Variants in FOXN2 observed in about 807,000 individuals in gnomAD.
The protein encoded by FOXN2 is forkhead box protein N2.
Under a neutral mutation model 41.2 loss-of-function variants are expected in FOXN2, and 19 were observed. That is an observed-to-expected ratio of 0.46 (90% CI 0.32 to 0.68). FOXN2 has a LOEUF of 0.68. Ranked by LOEUF, FOXN2 falls within the 30% of genes least tolerant of loss-of-function variation. The pLI is 0.03. For missense variants in FOXN2, 587 were observed against 509.4 expected (o/e 1.15, Z -1.47); for synonymous variants, 195 against 176.8 (o/e 1.10, Z -0.82).
intron 5 of FOXN2, 98 bp downstream of exon 5, chr2:48,362,805 A>T: frequency 2.0e-6 from 2 of 1,017,806 alleles, no homozygotes; most frequent in Non-Finnish European, 3.0e-6. Context: ...ATTATAATGG[A>T]GCTGAAAAAT....
At chr2:48,371,596 T>A (rs1337460288) in intron 5 of FOXN2, among the ~76,000 whole-genome samples, 3 of 152,204 alleles carry the variant, frequency 2.0e-5, no homozygotes, top group African/African-American at 7.2e-5. Context: ...ATTTGGGGTC[T>A]TTTGTAGTTC....
At position 48,368,843 on chromosome 2, in the gene FOXN2, T is replaced by G. The variant is rs142973459; in HGVS notation, c.704-4449T>G. ...AATCAGGTGTTCTCTATTATGATGG[T>G]GATTTGGATCATTCATTGCTTATTT... On this transcript the variant is annotated intron_variant, in intron 5 of 6. Coordinates refer to ENST00000340553, the MANE Select transcript of FOXN2 (RefSeq NM_002158.4). Among the ~76,000 whole-genome samples, 18 of 152,382 alleles carry G rather than the reference T, an allele frequency of 1.2e-4. No individual in the cohort carries two copies. In the East Asian group the frequency reaches 3.3e-3, roughly 28 times the overall value.
chr2:48,342,743 A>G (rs1158133593), intron 2 of FOXN2, among the ~76,000 whole-genome samples: 1 of 152,174 alleles, frequency 6.6e-6, no homozygotes, highest in African/African-American at 2.4e-5. Flanking sequence ...ATAGTGCTCT[A>G]AAGTGTTCTA....
chr2:48,331,893 A>G (rs1670042795), intron 2 of FOXN2, among the ~76,000 whole-genome samples: 1 of 151,896 alleles, frequency 6.6e-6, no homozygotes, highest in Non-Finnish European at 1.5e-5. Context: ...TGGTCATTAA[A>G]TATATATTCA....
intron 5 of FOXN2, among the ~76,000 whole-genome samples, chr2:48,371,146 C>T (rs544039556): frequency 1.3e-5 from 2 of 152,062 alleles, no homozygotes; most frequent in African/African-American, 2.4e-5. Context: ...GCCTATAATC[C>T]CAGGACTTTG....
intron 1 of FOXN2, among the ~76,000 whole-genome samples, chr2:48,318,788 T>A (rs1337486370): frequency 2.0e-5 from 3 of 152,238 alleles, no homozygotes; most frequent in African/African-American, 7.2e-5. Flanking sequence ...CTGATTTAAG[T>A]ATCACATAGG....
At chr2:48,327,963 TG>T (rs1669789262) in intron 1 of FOXN2, among the ~76,000 whole-genome samples, 1 of 152,122 alleles carries the variant, frequency 6.6e-6, no homozygotes, top group African/African-American at 2.4e-5. Flanking sequence ...AATTTGACAT[TG>T]GGGCTATTAG....
rs1671111506 is a variant in FOXN2 at position 48,346,521 on chromosome 2, A to C, written c.307A>C (p.Asn103His). Residue 103 changes from asparagine to histidine, a missense_variant, in exon 3 of 7, where the codon AAC (asparagine) becomes CAC (histidine). Physicochemically the swap from Asn to His is moderately conservative, Grantham distance 68. Coordinates refer to ENST00000340553, the MANE Select transcript of FOXN2 (RefSeq NM_002158.4). ...VPSFGPACYQ[N>H]PEKKSATSKP... ...ATCCTTTGGACCAGCTTGCTACCAGAACCCAGAAAAAAAATCAGCGACTTC... is the reference window on the plus strand; with the variant it reads ...ATCCTTTGGACCAGCTTGCTACCAGCACCCAGAAAAAAAATCAGCGACTTC... The C allele has an allele frequency of 1.2e-6, 2 of 1,613,708 alleles. No individual in the cohort carries two copies. The highest frequency in any genetic ancestry group is 1.7e-6 in the Non-Finnish European group (2 of 1,179,864).
chr2:48,314,508 G>A (rs1276870729), upstream of FOXN2: 2 of 152,520 alleles, frequency 1.3e-5, no homozygotes, highest in Non-Finnish European at 1.5e-5. Context: ...TTCGGTAGGA[G>A]GTGGGCGGGA....
chr2:48,339,623 A>G (rs916385586), intron 2 of FOXN2, among the ~76,000 whole-genome samples: 5 of 152,198 alleles, frequency 3.3e-5, no homozygotes, highest in Non-Finnish European at 5.9e-5. Context: ...GGCAAAAACA[A>G]TTTTGGCAAG....
At chr2:48,359,329 T>G (rs960648262) in intron 4 of FOXN2, among the ~76,000 whole-genome samples, 182 bp downstream of exon 4, 1 of 152,228 alleles carries the variant, frequency 6.6e-6, no homozygotes, top group African/African-American at 2.4e-5. Context: ...AGTCTTACTC[T>G]GTCACCTAGG....
Position 48,378,087 on chromosome 2 carries a change from C to G in FOXN2, c.*2644C>G, listed in dbSNP as rs1673360962. On this transcript the variant is annotated 3_prime_UTR_variant, in exon 7 of 7. Coordinates refer to ENST00000340553, the MANE Select transcript of FOXN2 (RefSeq NM_002158.4). Reference sequence around the variant, plus strand: ...AGAATATGTTTTGTTGCAGCTGATTCCAGTTTATAATAGATCCCTAGTAAA... The same window carrying G: ...AGAATATGTTTTGTTGCAGCTGATTGCAGTTTATAATAGATCCCTAGTAAA... The G allele has an allele frequency of 6.6e-6, 1 of 152,422 alleles. No individual in the cohort carries two copies. Among genetic ancestry groups the G allele is most frequent in the South Asian group, 2.1e-4 (1 of 4,836 alleles). The allele number at this position is 152,422 out of a possible 1,614,324, so 9.4% of individuals were successfully genotyped here. A position where few individuals can be genotyped will look rare whatever the true frequency, so the allele number is the denominator to read the frequency against.
chr2:48,366,887 G>C (rs897044796), intron 5 of FOXN2, among the ~76,000 whole-genome samples: 2 of 151,244 alleles, frequency 1.3e-5, no homozygotes, highest in Non-Finnish European at 2.9e-5. Context: ...AAGTGACATC[G>C]TCAGTTTTAT....
intron 1 of FOXN2, among the ~76,000 whole-genome samples, chr2:48,325,844 CTTTTTTTT>C (rs959535701): frequency 2.9e-5 from 3 of 102,932 alleles, no homozygotes; most frequent in African/African-American, 1.1e-4. Flanking sequence ...CTCAAGATTT[CTTTTTTTT>C]TTTTTTTTTT....
At chr2:48,373,262 C>T (rs1572784647) in intron 5 of FOXN2, 30 bp from the exon 6 acceptor site, 2 of 1,484,900 alleles carry the variant, frequency 1.3e-6, no homozygotes, top group East Asian at 4.7e-5. Context: ...TTATAAAGAA[C>T]ATTAATATTA....
At chr2:48,356,497 C>G (rs909533924) in intron 3 of FOXN2, among the ~76,000 whole-genome samples, 2 of 151,968 alleles carry the variant, frequency 1.3e-5, no homozygotes, top group African/African-American at 2.4e-5. Context: ...TTTATAAAGC[C>G]CATCTTAAAC....
chr2:48,342,293 C>A (rs1670826868), intron 2 of FOXN2, among the ~76,000 whole-genome samples: 1 of 152,020 alleles, frequency 6.6e-6, no homozygotes, highest in South Asian at 2.1e-4. Flanking sequence ...TTTAGTTTAC[C>A]ATTTCTCTGT....
At chr2:48,319,822 A>C (rs1367217353) in intron 1 of FOXN2, among the ~76,000 whole-genome samples, 1 of 74,446 alleles carries the variant, frequency 1.3e-5, no homozygotes, top group African/African-American at 5.4e-5. Flanking sequence ...GGTAGAGGGG[A>C]GATCTGACTA....
At chr2:48,326,294 C>T (rs868292784) in intron 1 of FOXN2, among the ~76,000 whole-genome samples, 5 of 152,132 alleles carry the variant, frequency 3.3e-5, no homozygotes, top group East Asian at 3.9e-4. Flanking sequence ...TTCAGATATC[C>T]GAAATGGAGA....
Sources: gnomAD v4.1 joint callset for allele counts (sites outside exome capture counted in the v4.1 genomes callset) on GRCh38, gnomAD v4.1.1 for gene constraint, MANE v1.5 for transcripts, NCBI Gene and HGNC (gene_info 2026-07-23, HGNC 2026-07-21) for gene names.